Variants in DDAH1 observed in about 807,000 individuals in gnomAD.
The protein encoded by DDAH1 is N(G),N(G)-dimethylarginine dimethylaminohydrolase 1.
In DDAH1, 19 loss-of-function variants were observed where a neutral mutation model predicts 28.8. The observed-to-expected ratio is 0.66, with a 90% CI of 0.46 to 0.97. DDAH1 has a LOEUF of 0.97. Among genes scored for constraint, DDAH1 ranks in the 50% least tolerant of loss-of-function variants. The pLI is 0.00. For missense variants in DDAH1, 326 were observed against 375.9 expected (o/e 0.87, Z 1.10); for synonymous variants, 153 against 154.4 (o/e 0.99, Z 0.07).
intron 1 of DDAH1, among the ~76,000 whole-genome samples, chr1:85,513,158 G>T (rs1364316059): frequency 6.6e-6 from 1 of 152,090 alleles, no homozygotes; most frequent in African/African-American, 2.4e-5. Context: ...CAGATATATA[G>T]ACCAATGGAA....
At chr1:85,340,827 A>G (rs147788496) in intron 4 of DDAH1, among the ~76,000 whole-genome samples, 1 of 152,206 alleles carries the variant, frequency 6.6e-6, no homozygotes, top group African/African-American at 2.4e-5. Flanking sequence ...ATTGGCCAAG[A>G]TAATTTGAAG....
chr1:85,558,219 G>T (rs1659040208), intron 1 of DDAH1, among the ~76,000 whole-genome samples: 1 of 152,110 alleles, frequency 6.6e-6, no homozygotes, highest in Admixed American at 6.6e-5. Context: ...AAAATTAGCT[G>T]GGCCTGATGG....
chr1:85,552,257 C>CT (rs1170892833), intron 1 of DDAH1, among the ~76,000 whole-genome samples: 20 of 152,186 alleles, frequency 1.3e-4, no homozygotes, highest in Admixed American at 3.3e-4. Flanking sequence ...CTCTGGTCAT[C>CT]TTTTTTTCTC....
intron 1 of DDAH1, among the ~76,000 whole-genome samples, chr1:85,530,053 G>C (rs1484174837): frequency 8.8e-6 from 1 of 113,518 alleles, no homozygotes; most frequent in African/African-American, 2.6e-5. Flanking sequence ...AGAAATAGCA[G>C]AGCTGGTGGT....
chr1:85,441,339 G>A (rs182042422), intron 1 of DDAH1, among the ~76,000 whole-genome samples: 12 of 152,160 alleles, frequency 7.9e-5, no homozygotes, highest in Admixed American at 2.6e-4. Context: ...TCAGGAGGTC[G>A]AGACCATCCT....
intron 1 of DDAH1, among the ~76,000 whole-genome samples, chr1:85,420,751 C>T (rs1446665864): frequency 2.0e-5 from 3 of 152,190 alleles, no homozygotes; most frequent in Non-Finnish European, 4.4e-5. Context: ...CTTCCACACT[C>T]TTCCAACCTC....
intron 1 of DDAH1, among the ~76,000 whole-genome samples, chr1:85,375,139 T>C (rs1650594414): frequency 6.6e-6 from 1 of 152,172 alleles, no homozygotes; most frequent in Admixed American, 6.6e-5. Flanking sequence ...AATAAAAATA[T>C]TTAGCTGCCA....
At position 85,322,728 on chromosome 1, in the gene DDAH1, G is replaced by A. The variant is rs561776671; in HGVS notation, c.742-1160C>T. 2.6e-5 allele frequency among the ~76,000 whole-genome samples: 4 copies of A among 152,314 alleles called. No homozygotes were observed. In the South Asian group the frequency reaches 8.3e-4, roughly 32 times the overall value. ...CTGAATAAGATAATACACCTGGGAT[G>A]CCTGGCACCCTGCCTGGCACCGGGG... On this transcript the variant is annotated intron_variant, in intron 5 of 5. Transcript: ENST00000284031.
chr1:85,485,405 G>A (rs1243572301), intron 2 of DDAH1, among the ~76,000 whole-genome samples: 1 of 152,134 alleles, frequency 6.6e-6, no homozygotes. Flanking sequence ...AATTAAGACA[G>A]TGTTTCCTGG....
chr1:85,426,850 T>A (rs1653414998), intron 1 of DDAH1, among the ~76,000 whole-genome samples: 1 of 138,946 alleles, frequency 7.2e-6, no homozygotes, highest in Admixed American at 8.2e-5. Flanking sequence ...AGTTTGAGGC[T>A]GCAGTGAGCC....
intron 4 of DDAH1, among the ~76,000 whole-genome samples, chr1:85,345,682 C>T (rs58729800): frequency 1.5e-3 from 232 of 152,142 alleles, no homozygotes; most frequent in African/African-American, 5.3e-3. Flanking sequence ...CTGGCCAACA[C>T]GGTGAAACCC....
chr1:85,318,990 CTTAG>C lies in DDAH1; in HGVS notation c.*2458_*2461del, dbSNP rs886715960. ...CCAAGTAATTCTGACTTAACTTTTACTTAGTTAAATATAATTTCTCCTGTCTTTT... is the reference window on the plus strand; with the variant it reads ...CCAAGTAATTCTGACTTAACTTTTACTTAAATATAATTTCTCCTGTCTTTT... On this transcript the variant is annotated 3_prime_UTR_variant, in exon 6 of 6. Transcript: ENST00000284031. 5 of 152,180 alleles carry C rather than the reference CTTAG, an allele frequency of 3.3e-5. No individual in the cohort carries two copies. The highest frequency in any genetic ancestry group is 6.5e-5 in the Admixed American group (1 of 15,278). 9.4% of individuals were successfully genotyped at this position (152,180 alleles called of 1,614,324 possible). A position where few individuals can be genotyped will look rare whatever the true frequency, so the allele number is the denominator to read the frequency against.
In DDAH1 at chr1:85,391,228, G is replaced by A. The variant is rs552607670; in HGVS notation, c.304-32381C>T. On this transcript the variant is annotated intron_variant, in intron 1 of 5. Coordinates refer to ENST00000284031, the MANE Select transcript of DDAH1 (RefSeq NM_012137.4). ...CAAATTCAGGAAGTAATCCCTGAGTGACTTATACTCTTCGGACAAAAACAG... is the reference window on the plus strand; with the variant it reads ...CAAATTCAGGAAGTAATCCCTGAGTAACTTATACTCTTCGGACAAAAACAG... Among the ~76,000 whole-genome samples the A allele has an allele frequency of 2.0e-5, 3 of 152,252 alleles. No individual in the cohort carries two copies. In the South Asian group the frequency reaches 6.2e-4, roughly 32 times the overall value.
At chr1:85,511,982 C>T (rs1657252834) in intron 1 of DDAH1, among the ~76,000 whole-genome samples, 1 of 152,166 alleles carries the variant, frequency 6.6e-6, no homozygotes, top group Admixed American at 6.5e-5. Context: ...AGAGGGAATC[C>T]TCCCTAACTC....
At chr1:85,416,289 G>A (rs949695790) in intron 1 of DDAH1, among the ~76,000 whole-genome samples, 9 of 151,578 alleles carry the variant, frequency 5.9e-5, no homozygotes, top group Non-Finnish European at 8.8e-5. Flanking sequence ...TCTCACTCCC[G>A]GGTTCAAGCG....
At chr1:85,496,367 T>C (rs1482419873) in intron 1 of DDAH1, 1 of 217,704 alleles carries the variant, frequency 4.6e-6, no homozygotes, top group Non-Finnish European at 7.8e-6. Context: ...TAGTCTTCTC[T>C]AGAGAGAAGA....
At chr1:85,387,800 A>AG (rs777530940) in intron 1 of DDAH1, among the ~76,000 whole-genome samples, 2 of 152,202 alleles carry the variant, frequency 1.3e-5, no homozygotes, top group African/African-American at 2.4e-5. Flanking sequence ...TAATTTATAA[A>AG]GAAAAAAGGT....
chr1:85,361,945 T>C (rs1042331418), intron 1 of DDAH1, among the ~76,000 whole-genome samples: 2 of 152,230 alleles, frequency 1.3e-5, no homozygotes, highest in African/African-American at 2.4e-5. Context: ...ATTTGCTGAA[T>C]AAATATTGTA....
intron 1 of DDAH1, among the ~76,000 whole-genome samples, chr1:85,368,860 C>T (rs1175578447): frequency 6.6e-6 from 1 of 152,210 alleles, no homozygotes. Flanking sequence ...TCTGTGAATT[C>T]AGAGGAATCG....
Sources: allele counts gnomAD v4.1 joint callset (sites outside exome capture counted in the v4.1 genomes callset), GRCh38; gene constraint gnomAD v4.1.1; transcripts MANE v1.5; gene names NCBI Gene and HGNC (gene_info 2026-07-23, HGNC 2026-07-21).